SLC27A4: variants seen among roughly 807,000 people sequenced by gnomAD.
The protein encoded by SLC27A4 is long-chain fatty acid transport protein 4.
A neutral mutation model predicts 64.4 loss-of-function variants in SLC27A4; 33 were observed. The ratio of observed to expected loss-of-function variants is 0.51; its 90% CI spans 0.39 to 0.68. SLC27A4 has a LOEUF of 0.68. Ranked by LOEUF, SLC27A4 falls within the 30% of genes least tolerant of loss-of-function variation. SLC27A4 has a pLI of 0.00. For missense variants in SLC27A4, 824 were observed against 883.5 expected, an observed-to-expected ratio of 0.93 and a Z score of 0.85; for synonymous variants, 377 against 370.0, an observed-to-expected ratio of 1.02 and a Z score of -0.22.
Position 128,343,304 on chromosome 9 carries a change from G to A in SLC27A4, c.161+11G>A. The A allele has an allele frequency of 6.2e-7, 1 of 1,614,092 alleles. No homozygotes were observed. The highest frequency in any genetic ancestry group is 1.3e-5 in the African/African-American group (1 of 75,026). On this transcript the variant is annotated intron_variant, in intron 2 of 12. Coordinates refer to ENST00000300456, the MANE Select transcript of SLC27A4 (RefSeq NM_005094.4). ...CAGGCGCGATATCTTGTGAGTACCT[G>A]GCCCAGCCTTTCCTGGGGTCTGCCA...
chr9:128,341,870 C>G (rs1478722484), intron 1 of SLC27A4, among the ~76,000 whole-genome samples: 1 of 152,176 alleles, frequency 6.6e-6, no homozygotes, highest in African/African-American at 2.4e-5. Context: ...TCCTGAGTAG[C>G]TGGGGTTACA....
chr9:128,342,348 G>A, intron 1 of SLC27A4: 2 of 1,611,780 alleles, frequency 1.2e-6, no homozygotes, highest in Non-Finnish European at 1.7e-6. Flanking sequence ...AACAGGAGAA[G>A]CAAGCAAGCG....
chr9:128,348,424 C>T, intron 3 of SLC27A4, 121 bp from the exon 4 acceptor site: 1 of 1,258,546 alleles, frequency 7.9e-7, no homozygotes, highest in East Asian at 2.3e-5. Context: ...CCAGTTGCTT[C>T]ACTGCCTCTC....
chr9:128,359,093 G>A (rs1438208481), intron 12 of SLC27A4, among the ~76,000 whole-genome samples: 1 of 152,186 alleles, frequency 6.6e-6, no homozygotes, highest in Non-Finnish European at 1.5e-5. Flanking sequence ...GGGAGGGGAG[G>A]AATCTGCAGC....
intron 1 of SLC27A4, 148 bp downstream of exon 1, chr9:128,340,986 G>A (rs1229431710): frequency 6.2e-6 from 3 of 480,490 alleles, no homozygotes; most frequent in Non-Finnish European, 7.5e-6. Context: ...GTCTAGGGGC[G>A]AGGGCGGCAC....
chr9:128,342,333 G>T (rs757243404), intron 1 of SLC27A4: 14 of 1,611,878 alleles, frequency 8.7e-6, no homozygotes, highest in Non-Finnish European at 1.2e-5. Flanking sequence ...CCAAAGAAAC[G>T]ATTGAACAGG....
chr9:128,352,030 CAA>C (rs769698769), intron 6 of SLC27A4, among the ~76,000 whole-genome samples: 6 of 113,030 alleles, frequency 5.3e-5, no homozygotes, highest in Non-Finnish European at 5.7e-5. Flanking sequence ...ACTAAAAATA[CAA>C]AAAAAAAAAA....
chr9:128,354,909 C>T, intron 9 of SLC27A4, 144 bp from the exon 10 acceptor site: 1 of 852,332 alleles, frequency 1.2e-6, no homozygotes, highest in East Asian at 2.7e-5. Flanking sequence ...GCCAAGATTG[C>T]ACTGCTGCAC....
In SLC27A4 at chr9:128,352,728, G is replaced by A; in HGVS notation, c.968G>A (p.Cys323Tyr). Residue 323 changes from cysteine (C) to tyrosine (Y), a missense_variant, in exon 7 of 13, where the codon TGT becomes TAT. Coordinates refer to ENST00000300456, the MANE Select transcript of SLC27A4 (RefSeq NM_005094.4). ...KFSASRFWDD[C>Y]IKYNCTIVQY... ...TCAGCCTCCCGGTTCTGGGACGATT[G>A]TATCAAGTACAACTGCACGGTGAGC... 1 of 1,613,654 alleles carries A rather than the reference G, an allele frequency of 6.2e-7. No homozygotes were observed. The highest frequency in any genetic ancestry group is 1.3e-5 in the African/African-American group (1 of 75,042).
At chr9:128,347,480 A>G (rs924416918) in intron 3 of SLC27A4, among the ~76,000 whole-genome samples, 1 of 151,992 alleles carries the variant, frequency 6.6e-6, no homozygotes, top group African/African-American at 2.4e-5. Context: ...TAATCCCAGC[A>G]CTTTTGGAGG....
At position 128,353,976 on chromosome 9, in the gene SLC27A4, C is replaced by T. The variant is rs889055264; in HGVS notation, c.1324+435C>T. 1.3e-5 allele frequency among the ~76,000 whole-genome samples: 2 copies of T among 151,368 alleles called. No homozygotes were observed. Among genetic ancestry groups the T allele is most frequent in the African/African-American group, 2.4e-5 (1 of 40,912 alleles). On this transcript the variant is annotated intron_variant, in intron 9 of 12. Transcript: ENST00000300456. This position sits in a 1 kb window ranked among gnomAD's most constrained non-coding sequence, Gnocchi z 4.9. ...GCCGGGATGGTCTCGATCTCCTGAC[C>T]TCGTGATCCGCCCGCCTCGGCCTCC...
Position 128,340,852 on chromosome 9 carries a change from G to C in SLC27A4, c.-7+14G>C, listed in dbSNP as rs528433086. On this transcript the variant is annotated intron_variant, in intron 1 of 12. Coordinates refer to ENST00000300456, the MANE Select transcript of SLC27A4 (RefSeq NM_005094.4). ...AGCCGACGCCGGGTGAGCATAGACC[G>C]GGCTGGTGGGTTCCCGGGTGGGGAC... is the stretch of plus-strand genomic sequence containing the variant. 86 of 660,108 alleles carry C rather than the reference G, an allele frequency of 1.3e-4. 1 individual carries two copies. Among genetic ancestry groups the C allele is most frequent in the Admixed American group, 1.8e-4 (8 of 45,006 alleles). The allele number at this position is 660,108 out of a possible 1,614,324, so 40.9% of individuals were successfully genotyped here.
intron 12 of SLC27A4, among the ~76,000 whole-genome samples, chr9:128,358,735 C>T (rs1832856543): frequency 6.6e-6 from 1 of 152,220 alleles, no homozygotes; most frequent in African/African-American, 2.4e-5. Context: ...GCGTGAGCCA[C>T]CATGCCTGGC....
rs978349540 is a variant in SLC27A4, at chr9:128,340,661, G to A, written c.-184G>A. The A allele has an allele frequency of 3.4e-5, 12 of 350,974 alleles. No homozygotes were observed. The highest frequency in any genetic ancestry group is 2.0e-4 in the African/African-American group (9 of 45,926). 21.7% of individuals were successfully genotyped at this position (350,974 alleles called of 1,614,324 possible). A position where few individuals can be genotyped will look rare whatever the true frequency, so the allele number is the denominator to read the frequency against. The stretch of plus-strand genomic sequence containing the variant: ...GGGCGGGGTAGGAGCGCGGCGGGCG[G>A]GGCCGGGCGGCGGGCGGGGCTGGCG... On this transcript the variant is annotated 5_prime_UTR_variant, in exon 1 of 13. Coordinates refer to ENST00000300456, the MANE Select transcript of SLC27A4 (RefSeq NM_005094.4).
chr9:128,350,289 C>A, intron 4 of SLC27A4, 23 bp from the exon 5 acceptor site: 2 of 1,609,616 alleles, frequency 1.2e-6, no homozygotes, highest in African/African-American at 1.3e-5. Flanking sequence ...CCCCCGACAG[C>A]CACTCGCGTC....
intron 6 of SLC27A4, among the ~76,000 whole-genome samples, chr9:128,350,829 C>T (rs1335839976): frequency 6.6e-6 from 1 of 151,788 alleles, no homozygotes; most frequent in African/African-American, 2.4e-5. Context: ...TGGTGGCTCA[C>T]ACCTGTAATC....
At chr9:128,343,078 G>A (rs1832600629) in intron 1 of SLC27A4, 49 bp from the exon 2 acceptor site, 2 of 1,608,230 alleles carry the variant, frequency 1.2e-6, no homozygotes, top group East Asian at 2.2e-5. Context: ...GGAGGTAGGA[G>A]ACCTGGAGGG....
At chr9:128,341,566 C>T (rs1268206921) in intron 1 of SLC27A4, among the ~76,000 whole-genome samples, 1 of 152,162 alleles carries the variant, frequency 6.6e-6, no homozygotes, top group African/African-American at 2.4e-5. Flanking sequence ...CAAGCACTTC[C>T]AGGCTCTAAC....
rs750173157 is a variant in SLC27A4, at chr9:128,350,466, G to GGC, written c.786-17_786-16dup. The GGC allele has an allele frequency of 3.0e-5, 49 of 1,613,390 alleles. No homozygotes were observed. The highest frequency in any genetic ancestry group is 4.1e-5 in the Non-Finnish European group (48 of 1,179,534). On this transcript the variant is annotated splice_polypyrimidine_tract_variant and intron_variant, in intron 5 of 12. Coordinates refer to ENST00000300456, the MANE Select transcript of SLC27A4 (RefSeq NM_005094.4). ...CCTTTCTAGGGCCCGCTCAGCCCTTGGCCCTGTGCCTTCCCAGGTATTACC... is the reference window on the plus strand; with the variant it reads ...CCTTTCTAGGGCCCGCTCAGCCCTTGGCGCCCTGTGCCTTCCCAGGTATTACC...
Sources: gnomAD v4.1 joint callset for allele counts (sites outside exome capture counted in the v4.1 genomes callset) on GRCh38, gnomAD v4.1.1 for gene constraint, Gnocchi (gnomAD v3.1) non-coding constraint, MANE v1.5 for transcripts, NCBI Gene and HGNC (gene_info 2026-07-23, HGNC 2026-07-21) for gene names.